The following PARD3B variants were observed in gnomAD, a reference collection of about 807,000 sequenced individuals.
PARD3B encodes par-3 family cell polarity regulator beta, also known as partitioning defective 3 homolog B.
A neutral mutation model predicts 130.2 loss-of-function variants in PARD3B; 103 were observed. The ratio of observed to expected loss-of-function variants is 0.79; its 90% CI spans 0.67 to 0.93. PARD3B has a LOEUF of 0.93. Among genes scored for constraint, PARD3B ranks in the 40% least tolerant of loss-of-function variants. The probability of loss-of-function intolerance (pLI) is 0.00; values close to 1 mark genes in which losing one functional copy is unlikely to be tolerated. For missense variants in PARD3B, 1,609 were observed against 1,499.2 expected, an observed-to-expected ratio of 1.07 and a Z score of -1.21; for synonymous variants, 583 against 553.2, an observed-to-expected ratio of 1.05 and a Z score of -0.76.
At chr2:204,742,326 T>C (rs982747697) in intron 2 of PARD3B, among the ~76,000 whole-genome samples, 1 of 152,204 alleles carries the variant, frequency 6.6e-6, no homozygotes, top group African/African-American at 2.4e-5. Context: ...GTCTCTGCCA[T>C]TGTCCTCTCC....
chr2:205,541,723 A>ATTCT (rs952573544), intron 21 of PARD3B, among the ~76,000 whole-genome samples: 1 of 151,992 alleles, frequency 6.6e-6, no homozygotes, highest in Admixed American at 6.6e-5. Flanking sequence ...TCAGAGCAAT[A>ATTCT]TTCTTTGTTT....
intron 2 of PARD3B, among the ~76,000 whole-genome samples, chr2:204,927,988 G>A (rs1575330024): frequency 6.6e-6 from 1 of 152,234 alleles, no homozygotes; most frequent in South Asian, 2.1e-4. Flanking sequence ...TTGCAAAATT[G>A]AGTGATTTAA....
rs1024117059 is a variant in PARD3B at position 205,288,153 on chromosome 2, G to A, written c.2186-12377G>A. ...GTCCGGCCATGACAGTCACAATGAAGCCATGCCAGGAGGAAGCCTAGGGGT... is the reference window on the plus strand; with the variant it reads ...GTCCGGCCATGACAGTCACAATGAAACCATGCCAGGAGGAAGCCTAGGGGT... On this transcript the variant is annotated intron_variant, in intron 16 of 22. Coordinates refer to ENST00000406610, the MANE Select transcript of PARD3B (RefSeq NM_001302769.2). This position sits in a 1 kb window ranked among gnomAD's most constrained non-coding sequence, Gnocchi z 4.0. 2.0e-5 allele frequency among the ~76,000 whole-genome samples: 3 copies of A among 152,090 alleles called. No homozygotes were observed. Among genetic ancestry groups the A allele is most frequent in the Non-Finnish European group, 4.4e-5 (3 of 68,022 alleles).
intron 2 of PARD3B, among the ~76,000 whole-genome samples, chr2:204,755,566 A>G (rs1203185403): frequency 6.6e-6 from 1 of 152,158 alleles, no homozygotes; most frequent in Admixed American, 6.6e-5. Flanking sequence ...ATTAGTAGCC[A>G]TCAATGTGTA....
At position 205,401,105 on chromosome 2, in the gene PARD3B, T is replaced by C. The variant is rs2046236601; in HGVS notation, c.2723T>C (p.Met908Thr). The C allele has an allele frequency of 6.3e-7, 1 of 1,596,568 alleles. No homozygotes were observed. The highest frequency in any genetic ancestry group is 1.3e-5 in the African/African-American group (1 of 74,760). Residue 908 changes from methionine (M) to threonine (T), a missense_variant, in exon 19 of 23, where the codon ATG (methionine) becomes ACG (threonine). Coordinates refer to ENST00000406610, the MANE Select transcript of PARD3B (RefSeq NM_001302769.2). ...CTGAGAGAAGAAGAGCTGGAGAAAA[T>C]GAAAGAAGAGCGTGAAAGGTGAGCA... is the stretch of plus-strand genomic sequence containing the variant. Reference protein sequence around the residue: ...GGLREEELEKMKEERERIGAK... With the variant: ...GGLREEELEKTKEERERIGAK...
At chr2:204,766,569 T>TCA (rs2041158428) in intron 2 of PARD3B, among the ~76,000 whole-genome samples, 1 of 152,086 alleles carries the variant, frequency 6.6e-6, no homozygotes, top group African/African-American at 2.4e-5. Context: ...CATATTACAT[T>TCA]CACAGTCAAA....
chr2:205,003,065 G>T lies in PARD3B; in HGVS notation c.394+37742G>T, dbSNP rs575260683. Among the ~76,000 whole-genome samples, 4 of 152,288 alleles carry T rather than the reference G, an allele frequency of 2.6e-5. No homozygotes were observed. The South Asian group carries it at 8.3e-4, about 32-fold the overall frequency. ...GCTAGAAGCTCTGGCAGAGAATCTG[G>T]CTTTTTCCAGTGTGTAGAGACCACC... On this transcript the variant is annotated intron_variant, in intron 3 of 22. Transcript: ENST00000406610.
At position 204,712,610 on chromosome 2, in the gene PARD3B, T is replaced by C. The variant is rs1360128050; in HGVS notation, c.222+26328T>C. ...GCCTGGGTGACAGAGCAAGACCCCA[T>C]CTCAAAAAAAAAAAAACAAAAAAAA... On this transcript the variant is annotated intron_variant, in intron 2 of 22. Coordinates refer to ENST00000406610, the MANE Select transcript of PARD3B (RefSeq NM_001302769.2). 3.8e-5 allele frequency among the ~76,000 whole-genome samples: 4 copies of C among 105,970 alleles called. No homozygotes were observed. The Admixed American group carries it at 4.9e-4, about 13-fold the overall frequency. The allele number at this position is 105,970 out of a possible 152,430, so 69.5% of individuals were successfully genotyped here.
intron 20 of PARD3B, among the ~76,000 whole-genome samples, chr2:205,497,712 T>C (rs1312706216): frequency 6.6e-6 from 1 of 152,088 alleles, no homozygotes; most frequent in Non-Finnish European, 1.5e-5. Flanking sequence ...TACACTTAGT[T>C]CATGACTTTC....
At chr2:205,608,469 GT>G (rs1401910078) in intron 22 of PARD3B, among the ~76,000 whole-genome samples, 1 of 152,190 alleles carries the variant, frequency 6.6e-6, no homozygotes, top group East Asian at 1.9e-4. Context: ...AGACCATGGG[GT>G]AATGATATGC....
chr2:205,046,366 G>A (rs1421718272), intron 3 of PARD3B, among the ~76,000 whole-genome samples: 1 of 151,854 alleles, frequency 6.6e-6, no homozygotes, highest in Non-Finnish European at 1.5e-5. Context: ...GGTGAAAAAT[G>A]TAGTGATGTC....
At chr2:205,140,398 G>T (rs1324161938) in intron 10 of PARD3B, among the ~76,000 whole-genome samples, 1 of 151,066 alleles carries the variant, frequency 6.6e-6, no homozygotes, top group Non-Finnish European at 1.5e-5. Context: ...TGGTCCCAGG[G>T]GAGACAGATG....
rs778542576 is a variant in PARD3B at position 204,606,211 on chromosome 2, G to A, written c.120+60092G>A. 1.3e-5 allele frequency among the ~76,000 whole-genome samples: 2 copies of A among 152,220 alleles called. No individual in the cohort carries two copies. The highest frequency in any genetic ancestry group is 2.4e-5 in the African/African-American group (1 of 41,464). ...TTGAGTTTGCCACACATGTGGCATA[G>A]TGCAGCGCCTTATGTATTGGTGTTT... is the stretch of plus-strand genomic sequence containing the variant. On this transcript the variant is annotated intron_variant, in intron 1 of 22. Coordinates refer to ENST00000406610, the MANE Select transcript of PARD3B (RefSeq NM_001302769.2). This position sits in a 1 kb window ranked among gnomAD's most constrained non-coding sequence, Gnocchi z 4.0.
intron 3 of PARD3B, among the ~76,000 whole-genome samples, chr2:205,037,639 TATGTATATAGTGGACTATATATA>T (rs1395758641): frequency 2.0e-5 from 3 of 147,750 alleles, no homozygotes; most frequent in Non-Finnish European, 3.0e-5. Flanking sequence ...CTGTATAAAA[TATGTATATAGTGGACTATATATA>T]ATGTATATAG....
intron 22 of PARD3B, among the ~76,000 whole-genome samples, chr2:205,567,384 G>C (rs1012458236): frequency 1.5e-5 from 2 of 130,072 alleles, no homozygotes; most frequent in African/African-American, 5.9e-5. Context: ...GCACGATCTC[G>C]GCTCACTGCA....
chr2:205,041,691 G>A (rs563345821), intron 3 of PARD3B, among the ~76,000 whole-genome samples: 25 of 151,958 alleles, frequency 1.6e-4, no homozygotes, highest in African/African-American at 6.0e-4. Flanking sequence ...GTGACAAGCT[G>A]GCCTTCTGGT....
chr2:204,868,755 G>A (rs1281797126), intron 2 of PARD3B, among the ~76,000 whole-genome samples: 2 of 152,178 alleles, frequency 1.3e-5, no homozygotes, highest in African/African-American at 4.8e-5. Flanking sequence ...AAAACTTAGA[G>A]TTTCTTAATC....
intron 1 of PARD3B, among the ~76,000 whole-genome samples, chr2:204,576,009 A>G (rs1219988642): frequency 6.6e-6 from 1 of 152,068 alleles, no homozygotes; most frequent in African/African-American, 2.4e-5. Flanking sequence ...TCTGTATTGT[A>G]AGGTTTTCAG....
At chr2:205,333,144 G>T (rs2043195060) in intron 18 of PARD3B, among the ~76,000 whole-genome samples, 1 of 152,014 alleles carries the variant, frequency 6.6e-6, no homozygotes, top group African/African-American at 2.4e-5. Context: ...AAAAGGAGAG[G>T]GACTGAATCT....
Sources: gnomAD v4.1 joint callset for allele counts (sites outside exome capture counted in the v4.1 genomes callset) on GRCh38, gnomAD v4.1.1 for gene constraint, Gnocchi (gnomAD v3.1) non-coding constraint, MANE v1.5 for transcripts, NCBI Gene and HGNC (gene_info 2026-07-23, HGNC 2026-07-21) for gene names.